The following PAN3 variants were observed in gnomAD, a reference collection of about 807,000 sequenced individuals.
PAN3 encodes the protein poly(A) specific ribonuclease subunit PAN3.
Under a neutral mutation model 96.2 loss-of-function variants are expected in PAN3, and 19 were observed. The observed-to-expected ratio is 0.20, with a 90% CI of 0.14 to 0.29. The LOEUF is 0.29. Ranked by LOEUF, PAN3 falls within the 10% of genes least tolerant of loss-of-function variation. The pLI is 1.00. For synonymous variants in PAN3, 433 were observed against 406.6 expected, an observed-to-expected ratio of 1.06 and a Z score of -0.78; for missense variants, 882 against 1,108.1, an observed-to-expected ratio of 0.80 and a Z score of 2.90.
Position 28,261,412 on chromosome 13 carries a change from C to T in PAN3, c.1365C>T (p.Asn455=). 2 of 1,607,418 alleles carry T rather than the reference C, an allele frequency of 1.2e-6. No homozygotes were observed. The highest frequency in any genetic ancestry group is 1.7e-6 in the Non-Finnish European group (2 of 1,176,084). Reference sequence around the variant, plus strand: ...ATTTTGTTTCATAGGAGCTGATCAACAGACATTTAATAACAATGGCTCAAA... The same window carrying T: ...ATTTTGTTTCATAGGAGCTGATCAATAGACATTTAATAACAATGGCTCAAA... ...MADELRQELI[N]RHLITMAQID... is the part of the protein sequence containing the mutation. Residue 455 remains asparagine (N), a synonymous_variant, in exon 9 of 19, where the codon AAC becomes AAT. Transcript: ENST00000380958.
chr13:28,267,002 C>A, intron 10 of PAN3, 93 bp from the exon 11 acceptor site: 1 of 1,324,534 alleles, frequency 7.5e-7, no homozygotes, highest in Non-Finnish European at 1.0e-6. Flanking sequence ...ACCTCATGAG[C>A]AATGTATAAA....
rs796462557 is a variant in PAN3, at chr13:28,170,336, G to T, written c.431-3936G>T. The stretch of plus-strand genomic sequence containing the variant: ...GGGAACTTTATAAGATGGTTTTATT[G>T]TCCTCTGACAATAGTTTAATATTCA... On this transcript the variant is annotated intron_variant, in intron 1 of 18. Coordinates refer to ENST00000380958, the MANE Select transcript of PAN3 (RefSeq NM_175854.8). Among the ~76,000 whole-genome samples, 25 of 152,200 alleles carry T rather than the reference G, an allele frequency of 1.6e-4. No homozygotes were observed. The East Asian group carries it at 4.6e-3, about 28-fold the overall frequency.
intron 7 of PAN3, among the ~76,000 whole-genome samples, chr13:28,258,177 T>C (rs549731664): frequency 6.6e-6 from 1 of 152,288 alleles, no homozygotes; most frequent in Non-Finnish European, 1.5e-5. Context: ...TTATTCTCCC[T>C]GCAGACACAG....
Position 28,151,254 on chromosome 13 carries a change from G to A in PAN3, c.430+12167G>A, listed in dbSNP as rs567097240. Among the ~76,000 whole-genome samples, 8 of 152,270 alleles carry A rather than the reference G, an allele frequency of 5.3e-5. No homozygotes were observed. In the South Asian group the frequency reaches 1.2e-3, roughly 24 times the overall value. On this transcript the variant is annotated intron_variant, in intron 1 of 18. Coordinates refer to ENST00000380958, the MANE Select transcript of PAN3 (RefSeq NM_175854.8). ...CTGTGGGCCAGGTGTTGTGGCTCAT[G>A]CCTGTAATCCCAGCACTTTGGGAGG... is the stretch of plus-strand genomic sequence containing the variant.
chr13:28,291,770 G>T (rs1566267223), intron 18 of PAN3, among the ~76,000 whole-genome samples: 1 of 152,116 alleles, frequency 6.6e-6, no homozygotes, highest in Non-Finnish European at 1.5e-5. Context: ...GGCAGAGGTT[G>T]CAGTGAGCCA....
intron 1 of PAN3, among the ~76,000 whole-genome samples, chr13:28,171,407 T>C (rs1003502962): frequency 1.3e-5 from 2 of 152,186 alleles, no homozygotes; most frequent in African/African-American, 4.8e-5. Flanking sequence ...TTGGAGTTAG[T>C]GCGGACTCCA....
At position 28,294,189 on chromosome 13, in the gene PAN3, AAAG is replaced by A. The variant is rs1593655767; in HGVS notation, c.*1670_*1672del. On this transcript the variant is annotated 3_prime_UTR_variant, in exon 19 of 19. Transcript: ENST00000380958. ...TTGGTAGCATCAGTTGTTGAGTTAA[AAAG>A]AAAATTATTGCATTTGATCTGGATG... 1 of 152,650 alleles carries A rather than the reference AAAG, an allele frequency of 6.6e-6. No individual in the cohort carries two copies. Among genetic ancestry groups the A allele is most frequent in the Admixed American group, 6.5e-5 (1 of 15,282 alleles). 9.5% of individuals were successfully genotyped at this position (152,650 alleles called of 1,614,324 possible).
chr13:28,204,766 C>T (rs1344944727), intron 5 of PAN3, among the ~76,000 whole-genome samples: 1 of 152,108 alleles, frequency 6.6e-6, no homozygotes, highest in East Asian at 1.9e-4. Flanking sequence ...TTAAGATTTA[C>T]CTAAAAGTAG....
At chr13:28,289,706 C>T (rs538793487) in intron 18 of PAN3, among the ~76,000 whole-genome samples, 29 of 152,200 alleles carry the variant, frequency 1.9e-4, no homozygotes, top group African/African-American at 6.0e-4. Context: ...ACGGTGAAAC[C>T]CCGTCCCTAC....
At position 28,267,336 on chromosome 13, in the gene PAN3, A is replaced by G. The variant is rs1886261622; in HGVS notation, c.1727A>G (p.Glu576Gly). The change falls in exon 12 of 19, where the codon GAA becomes GGA. Residue 576 changes from glutamate to glycine, a missense_variant. This residue lies in a region of PAN3 where 364 missense variants were observed against 513.6 expected (regional missense o/e 0.71). Coordinates refer to ENST00000380958, the MANE Select transcript of PAN3 (RefSeq NM_175854.8). ...GCATATGATTTCCATGCTGGAGGAG[A>G]AACTATGATGAGCAGACACTTTAAT... The part of the protein sequence containing the change: ...VFAYDFHAGG[E>G]TMMSRHFNDP... The G allele has an allele frequency of 6.2e-7, 1 of 1,613,808 alleles. No individual in the cohort carries two copies. Among genetic ancestry groups the G allele is most frequent in the East Asian group, 2.2e-5 (1 of 44,824 alleles).
At chr13:28,278,423 G>A (rs1202684555) in intron 15 of PAN3, among the ~76,000 whole-genome samples, 1 of 152,012 alleles carries the variant, frequency 6.6e-6, no homozygotes, top group Non-Finnish European at 1.5e-5. Flanking sequence ...ATAATTTCAG[G>A]TTATAATCTC....
intron 1 of PAN3, among the ~76,000 whole-genome samples, chr13:28,151,236 C>A (rs1034233531): frequency 6.6e-6 from 1 of 152,084 alleles, no homozygotes; most frequent in Admixed American, 6.6e-5. Context: ...GTTCTGTGGG[C>A]CAGGTGTTGT....
chr13:28,161,013 TCAAA>T (rs759007337), intron 1 of PAN3, among the ~76,000 whole-genome samples: 2 of 152,360 alleles, frequency 1.3e-5, no homozygotes, highest in East Asian at 1.9e-4. Context: ...TGGTTTTTGC[TCAAA>T]CAAATTGGTA....
chr13:28,270,911 C>G, intron 13 of PAN3, 45 bp downstream of exon 13: 2 of 1,535,914 alleles, frequency 1.3e-6, no homozygotes, highest in Non-Finnish European at 1.8e-6. Context: ...AGCGTCTTAC[C>G]TTTGACAGCT....
intron 1 of PAN3, among the ~76,000 whole-genome samples, chr13:28,160,038 C>T (rs1341579941): frequency 1.3e-5 from 2 of 151,852 alleles, no homozygotes; most frequent in African/African-American, 4.8e-5. Context: ...CCTGGGTTCA[C>T]GTGATTCTCC....
chr13:28,173,048 T>C (rs1286086259), intron 1 of PAN3, among the ~76,000 whole-genome samples: 1 of 152,176 alleles, frequency 6.6e-6, no homozygotes, highest in Non-Finnish European at 1.5e-5. Flanking sequence ...GGAATTCTCA[T>C]TGGCTTACAG....
intron 7 of PAN3, 114 bp from the exon 8 acceptor site, chr13:28,260,333 G>A: frequency 2.8e-6 from 2 of 705,206 alleles, no homozygotes; most frequent in Non-Finnish European, 4.9e-6. Flanking sequence ...GGCAGAGCTT[G>A]TAGTGAGCCG....
chr13:28,261,370 T>G, intron 8 of PAN3, 31 bp from the exon 9 acceptor site: 1 of 1,401,672 alleles, frequency 7.1e-7, no homozygotes, highest in Non-Finnish European at 9.5e-7. Context: ...AATCTGTGTT[T>G]AAATAAAAAT....
At chr13:28,271,794 A>G (rs1382888452) in intron 13 of PAN3, among the ~76,000 whole-genome samples, 187 bp from the exon 14 acceptor site, 1 of 152,130 alleles carries the variant, frequency 6.6e-6, no homozygotes, top group Admixed American at 6.5e-5. Context: ...ATATCACTTG[A>G]TATCTCTGAG....
Sources: allele counts gnomAD v4.1 joint callset (sites outside exome capture counted in the v4.1 genomes callset), GRCh38; gene constraint gnomAD v4.1.1; regional missense constraint gnomAD v4.1.1; transcripts MANE v1.5; gene names NCBI Gene and HGNC (gene_info 2026-07-23, HGNC 2026-07-21).